Variants in RPS6KC1 observed in about 807,000 individuals in gnomAD.
RPS6KC1 encodes ribosomal protein S6 kinase C1, also known as inactive ribosomal protein S6 kinase delta-1.
RPS6KC1 carries 54 observed loss-of-function variants against 103.8 expected under a neutral mutation model. The ratio of observed to expected loss-of-function variants is 0.52; its 90% CI spans 0.42 to 0.65. The LOEUF (loss-of-function observed/expected upper bound fraction) is 0.65. RPS6KC1 is among the 30% of genes least tolerant of loss of function. The pLI, the probability that RPS6KC1 is intolerant of heterozygous loss-of-function variation, is 0.00. For synonymous variants in RPS6KC1, 439 were observed against 438.7 expected, an observed-to-expected ratio of 1.00 and a Z score of -0.01; for missense variants, 1,151 against 1,253.8, an observed-to-expected ratio of 0.92 and a Z score of 1.24.
chr1:213,838,176 T>C, the RPS6KC1 span, among the ~76,000 whole-genome samples: 1 of 152,190 alleles, frequency 6.6e-6, no homozygotes, highest in Non-Finnish European at 1.5e-5. Context: ...AAAATCAGGC[T>C]ACAGCTTGCA....
the RPS6KC1 span, among the ~76,000 whole-genome samples, chr1:213,435,296 T>G: frequency 1.3e-5 from 2 of 152,222 alleles, no homozygotes; most frequent in Non-Finnish European, 2.9e-5. Context: ...ACCATTTTAA[T>G]GTTCTTGTCT....
intron 3 of RPS6KC1, among the ~76,000 whole-genome samples, chr1:213,094,085 TC>T (rs11331125): frequency 0.61 from 90,423 of 148,742 alleles, 27,697 homozygotes; most frequent in Non-Finnish European, 0.65. Flanking sequence ...AAATTTATGC[TC>T]CCCCCCCCCA....
chr1:213,474,322 C>G, the RPS6KC1 span, among the ~76,000 whole-genome samples: 1 of 151,810 alleles, frequency 6.6e-6, no homozygotes, highest in Non-Finnish European at 1.5e-5. Flanking sequence ...AAGCTTGCAG[C>G]GAACTGGTGC....
chr1:213,808,696 A>G, the RPS6KC1 span, among the ~76,000 whole-genome samples: 1 of 152,210 alleles, frequency 6.6e-6, no homozygotes. Flanking sequence ...CCTTTCTTTG[A>G]CTAGGAAAGG....
At chr1:213,720,787 G>A in the RPS6KC1 span, among the ~76,000 whole-genome samples, 1 of 152,156 alleles carries the variant, frequency 6.6e-6, no homozygotes, top group African/African-American at 2.4e-5. Context: ...CTTGTGTTTT[G>A]ACACCATGTG....
chr1:213,675,021 A>G, the RPS6KC1 span, among the ~76,000 whole-genome samples: 27,124 of 152,010 alleles, frequency 0.18, 2,583 homozygotes, highest in African/African-American at 0.21. Context: ...TAAGTTCCTT[A>G]TAGATTCTGG....
chr1:213,427,959 C>T, the RPS6KC1 span, among the ~76,000 whole-genome samples: 1 of 152,234 alleles, frequency 6.6e-6, no homozygotes, highest in Admixed American at 6.5e-5. Flanking sequence ...AAGATGCTCT[C>T]ATGGCCTTCT....
the RPS6KC1 span, among the ~76,000 whole-genome samples, chr1:213,779,383 C>CCT: frequency 2.6e-5 from 4 of 152,222 alleles, no homozygotes; most frequent in African/African-American, 4.8e-5. Flanking sequence ...TGCTGCCTAT[C>CCT]TAACTCCTGG....
chr1:213,555,409 G>T, the RPS6KC1 span, among the ~76,000 whole-genome samples: 1 of 152,202 alleles, frequency 6.6e-6, no homozygotes, highest in Non-Finnish European at 1.5e-5. Context: ...TATGCACTTT[G>T]CAGCTCTGGG....
At chr1:213,285,574 A>G in the RPS6KC1 span, among the ~76,000 whole-genome samples, 1 of 152,186 alleles carries the variant, frequency 6.6e-6, no homozygotes, top group African/African-American at 2.4e-5. Context: ...CTGACCATGT[A>G]ATAGAACTGC....
chr1:213,662,630 A>T, the RPS6KC1 span, among the ~76,000 whole-genome samples: 1 of 151,974 alleles, frequency 6.6e-6, no homozygotes, highest in Non-Finnish European at 1.5e-5. Flanking sequence ...CTGCGCATAG[A>T]TGTTCTGTGG....
chr1:213,337,794 C>G, the RPS6KC1 span, among the ~76,000 whole-genome samples: 5,216 of 152,280 alleles, frequency 0.034, 299 homozygotes, highest in African/African-American at 0.12. Flanking sequence ...TACAGCTCCA[C>G]ACAAAATGGG....
chr1:213,279,381 TAGG>T (rs1167357595), downstream of RPS6KC1, among the ~76,000 whole-genome samples: 3 of 152,178 alleles, frequency 2.0e-5, no homozygotes, highest in African/African-American at 4.8e-5. Flanking sequence ...CAGTTTATAC[TAGG>T]AGATTATGGA....
At chr1:213,341,659 G>A in the RPS6KC1 span, among the ~76,000 whole-genome samples, 1 of 152,200 alleles carries the variant, frequency 6.6e-6, no homozygotes. Context: ...GACCTTACTT[G>A]TATTAACTAA....
chr1:213,381,897 G>A, the RPS6KC1 span, among the ~76,000 whole-genome samples: 2 of 152,194 alleles, frequency 1.3e-5, no homozygotes, highest in African/African-American at 2.4e-5. Flanking sequence ...TGCATGGAGA[G>A]ACACCCTCGT....
chr1:213,527,983 C>T, the RPS6KC1 span, among the ~76,000 whole-genome samples: 1 of 152,028 alleles, frequency 6.6e-6, no homozygotes, highest in African/African-American at 2.4e-5. Flanking sequence ...ATCATAAAGG[C>T]CTTCATCCTG....
intron 8 of RPS6KC1, among the ~76,000 whole-genome samples, chr1:213,179,776 T>C (rs1251747184): frequency 2.0e-5 from 3 of 152,350 alleles, no homozygotes; most frequent in Non-Finnish European, 4.4e-5. Flanking sequence ...TATTAATATC[T>C]AGACTGTAAG....
chr1:213,543,260 G>A, the RPS6KC1 span, among the ~76,000 whole-genome samples: 53 of 152,300 alleles, frequency 3.5e-4, no homozygotes, highest in African/African-American at 1.2e-3. Flanking sequence ...AAGGTGTGAT[G>A]GTATCACTGA....
chr1:213,205,759 C>G (rs1398081680), intron 8 of RPS6KC1, among the ~76,000 whole-genome samples: 1 of 151,196 alleles, frequency 6.6e-6, no homozygotes, highest in Non-Finnish European at 1.5e-5. Context: ...TTCTGTATCC[C>G]TATCAGTTAA....
Sources: gnomAD v4.1 joint callset for allele counts (sites outside exome capture counted in the v4.1 genomes callset) on GRCh38, gnomAD v4.1.1 for gene constraint, MANE v1.5 for transcripts, NCBI Gene and HGNC (gene_info 2026-07-23, HGNC 2026-07-21) for gene names.